Variants in MMP10 observed in about 807,000 individuals in gnomAD.
MMP10 encodes matrix metallopeptidase 10, also known as stromelysin-2.
Under a neutral mutation model 49.1 loss-of-function variants are expected in MMP10, and 50 were observed. That is an observed-to-expected ratio of 1.02 (90% CI 0.81 to 1.29). The LOEUF (loss-of-function observed/expected upper bound fraction) is 1.29. MMP10 is among the 50% of genes most tolerant of loss of function. The pLI is 0.00. For missense variants in MMP10, 613 were observed against 563.8 expected, an observed-to-expected ratio of 1.09 and a Z score of -0.88; for synonymous variants, 229 against 201.6, an observed-to-expected ratio of 1.14 and a Z score of -1.15.
Position 102,775,241 on chromosome 11 carries a change from T to A in MMP10, c.1013A>T (p.Tyr338Phe). The A allele has an allele frequency of 6.2e-7, 1 of 1,610,164 alleles. No homozygotes were observed. Among genetic ancestry groups the A allele is most frequent in the Non-Finnish European group, 8.5e-7 (1 of 1,177,788 alleles). Reference sequence around the variant, plus strand: ...GTTAACTTCATATGCAGCATCCAAATATGATGGAAGAGAGGGCCAAAATGC... The same window carrying A: ...GTTAACTTCATATGCAGCATCCAAAAATGATGGAAGAGAGGGCCAAAATGC... ...ISAFWPSLPS[Y>F]LDAAYEVNSR... Residue 338 changes from tyrosine (Y) to phenylalanine (F), a missense_variant, in exon 7 of 10, where the codon TAT becomes TTT. By Grantham distance (22) the Tyr-to-Phe change is conservative. Coordinates refer to ENST00000279441, the MANE Select transcript of MMP10 (RefSeq NM_002425.3).
Position 102,779,195 on chromosome 11 carries a change from G to C in MMP10, c.496+18C>G. 1 of 1,611,678 alleles carries C rather than the reference G, an allele frequency of 6.2e-7. No homozygotes were observed. The highest frequency in any genetic ancestry group is 8.5e-7 in the Non-Finnish European group (1 of 1,179,738). ...AACAGATGAATACACCAGATAAATG[G>C]ATGCTTTATTTGATTACCTTTAACT... is the stretch of plus-strand genomic sequence containing the variant. On this transcript the variant is annotated intron_variant, in intron 3 of 9. Coordinates refer to ENST00000279441, the MANE Select transcript of MMP10 (RefSeq NM_002425.3).
rs780079638 is a variant in MMP10 at position 102,778,770 on chromosome 11, G to C, written c.497-21C>G. ...ATGTTCTGATAGGGAACAAATTAAT[G>C]GAAATATAAGTGTTCAGAATTTCTT... On this transcript the variant is annotated intron_variant, in intron 3 of 9. Transcript: ENST00000279441. 5.0e-6 allele frequency: 8 copies of C among 1,611,786 alleles called. No individual in the cohort carries two copies. The Admixed American group carries it at 1.3e-4, about 27-fold the overall frequency.
Position 102,775,266 on chromosome 11 carries a change from C to A in MMP10, c.988G>T (p.Ala330Ser). 6.2e-7 allele frequency: 1 copy of A among 1,609,086 alleles called. No individual in the cohort carries two copies. The stretch of plus-strand genomic sequence containing the variant: ...TATGATGGAAGAGAGGGCCAAAATG[C>A]AGAAATCAAATGAAATTCAGGTTCA... ...NPEPEFHLIS[A>S]FWPSLPSYLD... The change falls in exon 7 of 10, where the codon GCA (alanine) becomes TCA (serine). Residue 330 changes from alanine (A) to serine (S), a missense_variant. Transcript: ENST00000279441.
intron 4 of MMP10, among the ~76,000 whole-genome samples, chr11:102,778,271 G>A (rs1375079865): frequency 1.3e-5 from 2 of 152,020 alleles, no homozygotes; most frequent in Non-Finnish European, 1.5e-5. Context: ...GCAAATGTTA[G>A]GATTGGAACT....
intron 1 of MMP10, among the ~76,000 whole-genome samples, chr11:102,780,264 AC>A (rs1219596691): frequency 6.6e-6 from 1 of 152,212 alleles, no homozygotes; most frequent in Non-Finnish European, 1.5e-5. Flanking sequence ...ATATACTGCT[AC>A]TATTTTATTG....
rs1431499818 is a variant in MMP10 at position 102,778,629 on chromosome 11, G to T, written c.617C>A (p.Ala206Glu). The change falls in exon 4 of 10, where the codon GCA (alanine) becomes GAA (glutamate). Residue 206 changes from alanine to glutamate, a missense_variant. Transcript: ENST00000279441. The part of the protein sequence containing the change: ...FDDDEKWTED[A>E]SGTNLFLVAA... Reference sequence around the variant, plus strand: ...CCGAGAGGTTTACGACCCACCTGATGCATCTTCTGTCCATTTTTCATCATC... The same window carrying T: ...CCGAGAGGTTTACGACCCACCTGATTCATCTTCTGTCCATTTTTCATCATC... 1.9e-6 allele frequency: 3 copies of T among 1,613,834 alleles called. No homozygotes were observed. Among genetic ancestry groups the T allele is most frequent in the Non-Finnish European group, 1.7e-6 (2 of 1,179,890 alleles).
chr11:102,772,027 C>T lies in MMP10; in HGVS notation c.1315G>A (p.Val439Ile). The T allele has an allele frequency of 6.2e-7, 1 of 1,609,384 alleles. No individual in the cohort carries two copies. Among genetic ancestry groups the T allele is most frequent in the East Asian group, 2.2e-5 (1 of 44,824 alleles). Residue 439 changes from valine (V) to isoleucine (I), a missense_variant, in exon 9 of 10, where the codon GTA becomes ATA. Coordinates refer to ENST00000279441, the MANE Select transcript of MMP10 (RefSeq NM_002425.3). This position sits in a 1 kb window ranked among gnomAD's most constrained non-coding sequence, Gnocchi z 4.4. ...GTCTTCTTACCAAATGCCTGTAATA[C>T]AGCATCAACCTTAGGCTCAACTCCT... ...FPGVEPKVDA[V>I]LQAFGFFYFF... is the part of the protein sequence containing the mutation.
At chr11:102,770,985 A>T in intron 9 of MMP10, 92 bp from the exon 10 acceptor site, 2 of 819,348 alleles carry the variant, frequency 2.4e-6, no homozygotes. Flanking sequence ...TTAATAATGG[A>T]GGGCATTTAT....
chr11:102,775,187 C>T lies in MMP10; in HGVS notation c.1066+1G>A, dbSNP rs777150105. 9 of 1,588,364 alleles carry T rather than the reference C, an allele frequency of 5.7e-6. No individual in the cohort carries two copies. In the Admixed American group the frequency reaches 8.8e-5, roughly 16 times the overall value. ...AGTTGAAATTCTTATATAGTACTCA[C>T]CTTTAAAAATAAAAACGGTGTCCCT... On this transcript the variant is annotated splice_donor_variant, in intron 7 of 9. Transcript: ENST00000279441. LOFTEE classifies it high-confidence loss of function.
chr11:102,776,663 C>T lies in MMP10; in HGVS notation c.736G>A (p.Ala246Thr), dbSNP rs940458587. 16 of 1,613,704 alleles carry T rather than the reference C, an allele frequency of 9.9e-6. No individual in the cohort carries two copies. Among genetic ancestry groups the T allele is most frequent in the East Asian group, 2.2e-5 (1 of 44,884 alleles). ...TCATCTTGCGAAAGGCGGAACTGGG[C>T]GAGCTCTGTGAATGAGTTGTAGAGT... ...YPLYNSFTEL[A>T]QFRLSQDDVN... Residue 246 changes from alanine (A) to threonine (T), a missense_variant, in exon 5 of 10, where the codon GCC becomes ACC. Physicochemically the swap from Ala to Thr is moderately conservative, Grantham distance 58 (BLOSUM62 0). Transcript: ENST00000279441.
Position 102,778,726 on chromosome 11 carries a change from C to T in MMP10, c.520G>A (p.Asp174Asn), listed in dbSNP as rs1166007103. The T allele has an allele frequency of 2.3e-5, 37 of 1,613,664 alleles. No individual in the cohort carries two copies. Among genetic ancestry groups the T allele is most frequent in the Admixed American group, 1.8e-4 (11 of 59,902 alleles). Residue 174 changes from aspartate (D) to asparagine (N), a missense_variant, in exon 4 of 10, where the codon GAT (aspartate) becomes AAT (asparagine). Physicochemically the swap from Asp to Asn is conservative, Grantham distance 23. Coordinates refer to ENST00000279441, the MANE Select transcript of MMP10 (RefSeq NM_002425.3). ...TGAGCCAAACTGTGTCCTGGGCCAT[C>T]AAAAGAGTAAAAGTCTCCATGTTCT... ...VKEHGDFYSF[D>N]GPGHSLAHAY... is the part of the protein sequence containing the mutation.
rs1488509702 is a variant in MMP10, at chr11:102,772,042, G to C, written c.1300C>G (p.Pro434Ala). ...GCCTGTAATACAGCATCAACCTTAG[G>C]CTCAACTCCTGGAAAGTCATCAGCT... ...LIADDFPGVE[P>A]KVDAVLQAFG... Residue 434 changes from proline to alanine, a missense_variant, in exon 9 of 10, where the codon CCT becomes GCT. Pro to Ala is a conservative substitution (Grantham distance 27). Transcript: ENST00000279441. The surrounding 1 kb of genome is among the most constrained non-coding windows in gnomAD (Gnocchi z 4.4). The C allele has an allele frequency of 1.2e-6, 2 of 1,613,086 alleles. No individual in the cohort carries two copies. Among genetic ancestry groups the C allele is most frequent in the Admixed American group, 3.3e-5 (2 of 59,988 alleles).
chr11:102,779,574 C>A lies in MMP10; in HGVS notation c.277G>T (p.Val93Phe). The change falls in exon 2 of 10, where the codon GTT (valine) becomes TTT (phenylalanine). Residue 93 changes from valine (V) to phenylalanine (F), a missense_variant. By Grantham distance (50) the Val-to-Phe change is conservative (BLOSUM62 -1). Coordinates refer to ENST00000279441, the MANE Select transcript of MMP10 (RefSeq NM_002425.3). ...GAGCTGAAGTGACCAACGTCAGGAA[C>A]TCCACACCTGGGCTTGCGCATCACC... ...LEVMRKPRCG[V>F]PDVGHFSSFP... is the part of the protein sequence containing the mutation. 6.2e-7 allele frequency: 1 copy of A among 1,614,136 alleles called. No individual in the cohort carries two copies. Among genetic ancestry groups the A allele is most frequent in the Non-Finnish European group, 8.5e-7 (1 of 1,180,042 alleles).
chr11:102,779,179 A>G (rs752125972), intron 3 of MMP10, 34 bp downstream of exon 3: 1 of 1,610,458 alleles, frequency 6.2e-7, no homozygotes, highest in Non-Finnish European at 8.5e-7. Context: ...GAACAGATGA[A>G]TACACCAGAT....
chr11:102,776,828 T>C, intron 4 of MMP10, 52 bp from the exon 5 acceptor site: 1 of 1,606,394 alleles, frequency 6.2e-7, no homozygotes, highest in Non-Finnish European at 8.5e-7. Context: ...CTTCCATAAA[T>C]ACACATACAG....
chr11:102,772,467 T>G lies in MMP10; in HGVS notation c.1227-352A>C, dbSNP rs150377670. Among the ~76,000 whole-genome samples the G allele has an allele frequency of 2.8e-3, 429 of 152,270 alleles. 3 individuals carry two copies. The highest frequency in any genetic ancestry group is 9.6e-3 in the African/African-American group (397 of 41,558). ...ACATAATGAATTCATAATGCAAAAT[T>G]AATTAAATCACTTAGCTAAAAATAA... On this transcript the variant is annotated intron_variant, in intron 8 of 9. Transcript: ENST00000279441. The surrounding 1 kb of genome is among the most constrained non-coding windows in gnomAD (Gnocchi z 4.4).
chr11:102,773,078 G>T, intron 7 of MMP10, 72 bp from the exon 8 acceptor site: 1 of 1,420,644 alleles, frequency 7.0e-7, no homozygotes, highest in Non-Finnish European at 9.5e-7. Flanking sequence ...GTGCATTGTT[G>T]TGGTAAAGAG....
In MMP10 at chr11:102,779,540, C is replaced by G; in HGVS notation, c.311G>C (p.Gly104Ala). ...GTGGGTTTTCCTCCACTTCGGCATG[C>G]CAGGAAAGGAGCTGAAGTGACCAAC... ...PDVGHFSSFPGMPKWRKTHLT... is the reference protein window; with the variant it reads ...PDVGHFSSFPAMPKWRKTHLT... The change falls in exon 2 of 10, where the codon GGC becomes GCC. Residue 104 changes from glycine (G) to alanine (A), a missense_variant. Coordinates refer to ENST00000279441, the MANE Select transcript of MMP10 (RefSeq NM_002425.3). 6.2e-7 allele frequency: 1 copy of G among 1,614,052 alleles called. No homozygotes were observed. Among genetic ancestry groups the G allele is most frequent in the Non-Finnish European group, 8.5e-7 (1 of 1,180,014 alleles).
intron 5 of MMP10, 42 bp downstream of exon 5, chr11:102,776,570 C>T (rs1857740706): frequency 6.3e-7 from 1 of 1,595,536 alleles, no homozygotes; most frequent in African/African-American, 1.4e-5. Context: ...GGAGGACTGT[C>T]ATTGTAGATC....
Sources: allele counts gnomAD v4.1 joint callset (sites outside exome capture counted in the v4.1 genomes callset), GRCh38; gene constraint gnomAD v4.1.1; non-coding constraint Gnocchi (gnomAD v3.1); transcripts MANE v1.5; gene names NCBI Gene and HGNC (gene_info 2026-07-23, HGNC 2026-07-21).